RPTOR: variants seen among roughly 807,000 people sequenced by gnomAD.
RPTOR encodes regulatory-associated protein of mTOR.
In RPTOR, 21 loss-of-function variants were observed where a neutral mutation model predicts 169.9. The ratio of observed to expected loss-of-function variants is 0.12; its 90% CI spans 0.09 to 0.18. The LOEUF is 0.18. RPTOR is among the 10% of genes least tolerant of loss of function. RPTOR has a pLI of 1.00. For synonymous variants in RPTOR, 732 were observed against 753.2 expected, an observed-to-expected ratio of 0.97 and a Z score of 0.46; for missense variants, 1,133 against 1,855.9, an observed-to-expected ratio of 0.61 and a Z score of 7.16.
At chr17:80,774,843 T>G (rs1057024082) in intron 6 of RPTOR, among the ~76,000 whole-genome samples, 1 of 152,220 alleles carries the variant, frequency 6.6e-6, no homozygotes, top group African/African-American at 2.4e-5. Flanking sequence ...ACACAGTGTC[T>G]GTCCTCAAGT....
intron 24 of RPTOR, among the ~76,000 whole-genome samples, chr17:80,933,082 A>G (rs1470488104): frequency 6.6e-6 from 1 of 152,194 alleles, no homozygotes; most frequent in African/African-American, 2.4e-5. Flanking sequence ...CAAGACAAAC[A>G]TATCCTCTCT....
intron 14 of RPTOR, 61 bp downstream of exon 14, chr17:80,880,550 C>A (rs2068175348): frequency 6.8e-7 from 1 of 1,464,820 alleles, no homozygotes; most frequent in Non-Finnish European, 9.6e-7. Flanking sequence ...TCTGCCCACA[C>A]GCTGCACTGC....
intron 5 of RPTOR, among the ~76,000 whole-genome samples, chr17:80,744,888 GC>G (rs2066552991): frequency 2.8e-5 from 4 of 144,170 alleles, no homozygotes; most frequent in East Asian, 2.0e-4. Flanking sequence ...CACAGCCCTG[GC>G]TACTAGCACT....
intron 2 of RPTOR, among the ~76,000 whole-genome samples, chr17:80,634,227 TGTACTGTGTGTGC>T (rs2065467155): frequency 8.0e-6 from 1 of 124,844 alleles, no homozygotes; most frequent in Non-Finnish European, 1.7e-5. Context: ...TGTGCGTGTG[TGTACTGTGTGTGC>T]GTGCATACTG....
At chr17:80,768,114 G>A (rs1055155122) in intron 6 of RPTOR, among the ~76,000 whole-genome samples, 1 of 152,076 alleles carries the variant, frequency 6.6e-6, no homozygotes, top group African/African-American at 2.4e-5. Context: ...CGCCCGCCTC[G>A]GCCTCCCAAA....
chr17:80,951,761 C>T lies in RPTOR; in HGVS notation c.3370+2214C>T, dbSNP rs538376947. ...GGACGCTCGGGCCGAGGGACAGCTG[C>T]CCAGAGCCTCTGGTTCAGATGGACA... is the stretch of plus-strand genomic sequence containing the variant. On this transcript the variant is annotated intron_variant, in intron 28 of 33. Coordinates refer to ENST00000306801, the MANE Select transcript of RPTOR (RefSeq NM_020761.3). Among the ~76,000 whole-genome samples, 25 of 152,344 alleles carry T rather than the reference C, an allele frequency of 1.6e-4. No homozygotes were observed. In the South Asian group the frequency reaches 4.6e-3, roughly 28 times the overall value.
At chr17:80,794,779 A>T (rs1310443413) in intron 7 of RPTOR, among the ~76,000 whole-genome samples, 2 of 152,246 alleles carry the variant, frequency 1.3e-5, no homozygotes, top group East Asian at 3.8e-4. Context: ...TCCCAGAAGT[A>T]TCACACTAAG....
intron 1 of RPTOR, among the ~76,000 whole-genome samples, chr17:80,591,440 G>A (rs368004746): frequency 1.1e-4 from 16 of 148,180 alleles, no homozygotes; most frequent in Middle Eastern, 3.5e-3. Context: ...GTGCAGTGGC[G>A]TGATCTCGGC....
Position 80,964,426 on chromosome 17 carries a change from A to G in RPTOR, c.*96A>G, listed in dbSNP as rs761730992. 1.5e-5 allele frequency: 19 copies of G among 1,239,450 alleles called. No individual in the cohort carries two copies. The highest frequency in any genetic ancestry group is 2.1e-5 in the Non-Finnish European group (18 of 856,812). 76.8% of individuals were successfully genotyped at this position (1,239,450 alleles called of 1,614,324 possible). On this transcript the variant is annotated 3_prime_UTR_variant, in exon 34 of 34. Coordinates refer to ENST00000306801, the MANE Select transcript of RPTOR (RefSeq NM_020761.3). Reference sequence around the variant, plus strand: ...GGGGCGTCGGCTGCTGCGGCCCCGCAGTGTGAACGTTGGCTGCTGCCTTAG... The same window carrying G: ...GGGGCGTCGGCTGCTGCGGCCCCGCGGTGTGAACGTTGGCTGCTGCCTTAG...
In RPTOR at chr17:80,883,727, C is replaced by T. The variant is rs17848642; in HGVS notation, c.1651-54C>T. The T allele has an allele frequency of 6.9e-5, 109 of 1,568,504 alleles. No individual in the cohort carries two copies. In the East Asian group the frequency reaches 2.2e-3, roughly 32 times the overall value. ...CGTTGTCCCGTGCAGGTACCCACCACGTGCCTGCCATTGGCAGGCAGAGGC... is the reference window on the plus strand; with the variant it reads ...CGTTGTCCCGTGCAGGTACCCACCATGTGCCTGCCATTGGCAGGCAGAGGC... On this transcript the variant is annotated intron_variant, in intron 15 of 33. Transcript: ENST00000306801.
At chr17:80,941,770 C>T (rs1360525175) in intron 25 of RPTOR, 1 of 152,304 alleles carries the variant, frequency 6.6e-6, no homozygotes, top group Non-Finnish European at 1.5e-5. Context: ...AGCCGAGGGC[C>T]CTGCCCGCAG....
In RPTOR at chr17:80,893,860, T is replaced by C; in HGVS notation, c.2396T>C (p.Leu799Pro). The C allele has an allele frequency of 6.6e-7, 1 of 1,517,386 alleles. No individual in the cohort carries two copies. The highest frequency in any genetic ancestry group is 8.8e-7 in the Non-Finnish European group (1 of 1,130,874). The allele number at this position is 1,517,386 out of a possible 1,614,324, so 94.0% of individuals were successfully genotyped here. ...AGCTCCTACTCCTCCCTCAACTCCC[T>C]CATCGGTGAGTCCGCCTGCCCCTTT... ...RASSYSSLNS[L>P]IGVSFNSVYT... is the part of the protein sequence containing the mutation. Residue 799 changes from leucine (L) to proline (P), a missense_variant, in exon 20 of 34, where the codon CTC becomes CCC. Physicochemically the swap from Leu to Pro is moderately conservative, Grantham distance 98. This residue lies in a region of RPTOR where 150 missense variants were observed against 206.4 expected (regional missense o/e 0.73). Transcript: ENST00000306801.
Position 80,744,744 on chromosome 17 carries a change from GC to G in RPTOR, c.655-9265del, listed in dbSNP as rs1184459909. Among the ~76,000 whole-genome samples, 53 of 74,804 alleles carry G rather than the reference GC, an allele frequency of 7.1e-4. 3 individuals carry two copies. The highest frequency in any genetic ancestry group is 9.6e-4 in the Non-Finnish European group (37 of 38,682). The allele number at this position is 74,804 out of a possible 152,430, so 49.1% of individuals were successfully genotyped here. ...TGTCCTGGCTACTAGCACTGTCCTG[GC>G]TACTAGCACTGTCCTGGCTACTAGC... On this transcript the variant is annotated intron_variant, in intron 5 of 33. Coordinates refer to ENST00000306801, the MANE Select transcript of RPTOR (RefSeq NM_020761.3).
chr17:80,717,475 T>C (rs1475885264), intron 4 of RPTOR, among the ~76,000 whole-genome samples: 1 of 152,174 alleles, frequency 6.6e-6, no homozygotes, highest in Non-Finnish European at 1.5e-5. Context: ...CCCACTGTGT[T>C]ATTCCATTAG....
At chr17:80,832,082 C>G (rs1252972546) in intron 9 of RPTOR, among the ~76,000 whole-genome samples, 1 of 152,200 alleles carries the variant, frequency 6.6e-6, no homozygotes, top group African/African-American at 2.4e-5. Context: ...GGGCATGCAG[C>G]CAACACCGCT....
At chr17:80,836,272 C>T (rs867327202) in intron 9 of RPTOR, among the ~76,000 whole-genome samples, 1 of 152,260 alleles carries the variant, frequency 6.6e-6, no homozygotes, top group Non-Finnish European at 1.5e-5. Flanking sequence ...TCCCTCTCTC[C>T]TTCTCGAAAG....
At chr17:80,841,201 CAGCTCACTCTCACCGCACG>C (rs2067646462) in intron 10 of RPTOR, among the ~76,000 whole-genome samples, 2 of 120,040 alleles carry the variant, frequency 1.7e-5, no homozygotes, top group Non-Finnish European at 3.4e-5. Context: ...CACCGCACGG[CAGCTCACTCTCACCGCACG>C]GCAGCTCACT....
intron 1 of RPTOR, among the ~76,000 whole-genome samples, chr17:80,595,951 T>C (rs1030038954): frequency 2.0e-5 from 3 of 152,336 alleles, no homozygotes; most frequent in Admixed American, 2.0e-4. Flanking sequence ...AATGGACCTA[T>C]ACAAGTTGAT....
intron 6 of RPTOR, among the ~76,000 whole-genome samples, chr17:80,770,884 C>T (rs2066836280): frequency 6.6e-6 from 1 of 152,250 alleles, no homozygotes; most frequent in South Asian, 2.1e-4. Context: ...CGGGCATCTT[C>T]CCCTTAGACA....
Sources: gnomAD v4.1 joint callset for allele counts (sites outside exome capture counted in the v4.1 genomes callset) on GRCh38, gnomAD v4.1.1 for gene constraint, gnomAD v4.1.1 regional missense constraint, MANE v1.5 for transcripts, NCBI Gene and HGNC (gene_info 2026-07-23, HGNC 2026-07-21) for gene names.